Variants in MIER2 observed in about 807,000 individuals in gnomAD.
MIER2 encodes the protein mesoderm induction early response protein 2.
In MIER2, 30 loss-of-function variants were observed where a neutral mutation model predicts 67.6. The ratio of observed to expected loss-of-function variants is 0.44; its 90% CI spans 0.33 to 0.60. The LOEUF (loss-of-function observed/expected upper bound fraction) is 0.60. Among genes scored for constraint, MIER2 ranks in the 20% least tolerant of loss-of-function variants. The pLI is 0.02. For missense variants in MIER2, 702 were observed against 745.1 expected (o/e 0.94, Z 0.67); for synonymous variants, 372 against 312.6 (o/e 1.19, Z -2.00).
chr19:336,843 A>T (rs1972279528), intron 1 of MIER2, among the ~76,000 whole-genome samples: 1 of 152,114 alleles, frequency 6.6e-6, no homozygotes, highest in Admixed American at 6.5e-5. Flanking sequence ...ACAATGTTCA[A>T]TATCTCTCTT....
chr19:329,396 C>G (rs971166462), intron 3 of MIER2, among the ~76,000 whole-genome samples: 1 of 152,140 alleles, frequency 6.6e-6, no homozygotes, highest in Non-Finnish European at 1.5e-5. Flanking sequence ...CATAGTAGCC[C>G]AAGGTGAAGA....
At chr19:318,238 T>A (rs57815234) in intron 7 of MIER2, among the ~76,000 whole-genome samples, 1 of 151,784 alleles carries the variant, frequency 6.6e-6, no homozygotes, top group African/African-American at 2.4e-5. Context: ...ACTTCAAATA[T>A]AGGAATCTAG....
In MIER2 at chr19:325,722, G is replaced by A. The variant is rs970325727; in HGVS notation, c.586-18C>T. The A allele has an allele frequency of 1.2e-6, 2 of 1,614,154 alleles. No homozygotes were observed. The highest frequency in any genetic ancestry group is 1.7e-5 in the Admixed American group (1 of 60,022). Reference sequence around the variant, plus strand: ...ATGATCTCCTGCAAAGCAAGCACCTGGGAATCAGGACACTGAGGAGCATCT... The same window carrying A: ...ATGATCTCCTGCAAAGCAAGCACCTAGGAATCAGGACACTGAGGAGCATCT... On this transcript the variant is annotated intron_variant, in intron 6 of 13. Transcript: ENST00000264819.
chr19:341,745 C>A (rs751968101), intron 1 of MIER2, among the ~76,000 whole-genome samples: 10 of 152,090 alleles, frequency 6.6e-5, no homozygotes, highest in Non-Finnish European at 1.2e-4. Flanking sequence ...AGCAGGCCAA[C>A]GGTATTCCAG....
At chr19:341,145 A>AG (rs1425891752) in intron 1 of MIER2, among the ~76,000 whole-genome samples, 1 of 152,202 alleles carries the variant, frequency 6.6e-6, no homozygotes, top group Non-Finnish European at 1.5e-5. Flanking sequence ...CCCTCTGGGT[A>AG]GGGGTCGAGG....
intron 3 of MIER2, among the ~76,000 whole-genome samples, chr19:331,540 G>A (rs1313443711): frequency 1.3e-5 from 2 of 152,010 alleles, no homozygotes; most frequent in Non-Finnish European, 2.9e-5. Flanking sequence ...GTGGTGGCGT[G>A]CGACTATAGT....
At chr19:331,225 G>A (rs1045060490) in intron 3 of MIER2, among the ~76,000 whole-genome samples, 1 of 151,998 alleles carries the variant, frequency 6.6e-6, no homozygotes, top group Non-Finnish European at 1.5e-5. Context: ...AGGCATGGTG[G>A]TGGGCACCTG....
chr19:308,757 CG>C lies in MIER2; in HGVS notation c.1109+43del. Reference sequence around the variant, plus strand: ...CAGGCGCCCACGTGCCCACCCCCGGCGGGGTGGCCGCCTGTCGTTACTGCTG... The same window carrying C: ...CAGGCGCCCACGTGCCCACCCCCGGCGGGTGGCCGCCTGTCGTTACTGCTG... On this transcript the variant is annotated intron_variant, in intron 11 of 13. Coordinates refer to ENST00000264819, the MANE Select transcript of MIER2 (RefSeq NM_017550.3). This position sits in a 1 kb window ranked among gnomAD's most constrained non-coding sequence, Gnocchi z 9.1. 6.3e-7 allele frequency: 1 copy of C among 1,592,798 alleles called. No individual in the cohort carries two copies.
intron 7 of MIER2, among the ~76,000 whole-genome samples, chr19:317,008 G>A (rs187696685): frequency 3.9e-5 from 6 of 152,254 alleles, no homozygotes; most frequent in African/African-American, 1.2e-4. Flanking sequence ...AATTCATGTT[G>A]TAACCTCTAA....
At chr19:325,532 T>C (rs1179200056) in intron 7 of MIER2, 103 bp downstream of exon 7, 40 of 1,334,588 alleles carry the variant, frequency 3.0e-5, no homozygotes, top group Non-Finnish European at 3.8e-5. Flanking sequence ...CAGTGAGCGA[T>C]GCGGGGCGGG....
intron 7 of MIER2, among the ~76,000 whole-genome samples, chr19:319,379 A>G (rs2145419549): frequency 6.6e-6 from 1 of 152,372 alleles, no homozygotes; most frequent in Middle Eastern, 3.4e-3. Flanking sequence ...CACAAAAAGT[A>G]AAAAACAGAA....
At chr19:327,843 C>A (rs1212625608) in intron 4 of MIER2, 21 bp downstream of exon 4, 44 of 1,610,332 alleles carry the variant, frequency 2.7e-5, no homozygotes, top group Non-Finnish European at 3.7e-5. Context: ...TGAGCCAGTT[C>A]CAGGAAGGGC....
chr19:340,392 A>G (rs1364995312), intron 1 of MIER2: 1 of 152,262 alleles, frequency 6.6e-6, no homozygotes, highest in Non-Finnish European at 1.5e-5. Context: ...AGCACTGCCG[A>G]TAACATCAAC....
At chr19:344,394 C>A in intron 1 of MIER2, 1 of 984,274 alleles carries the variant, frequency 1.0e-6, no homozygotes, top group African/African-American at 1.7e-5. Context: ...GGCCTGCGCG[C>A]CGCGGGGCCC....
At chr19:327,333 A>G (rs560303979) in intron 4 of MIER2, 77 bp from the exon 5 acceptor site, 102 of 1,509,608 alleles carry the variant, frequency 6.8e-5, no homozygotes, top group Middle Eastern at 5.6e-4. Context: ...TAACAACAGT[A>G]AAGACACTGG....
At chr19:334,149 G>T in intron 3 of MIER2, 1 of 457,866 alleles carries the variant, frequency 2.2e-6, no homozygotes. Context: ...ATTTTTAAGA[G>T]TACAAAGCAG....
intron 7 of MIER2, among the ~76,000 whole-genome samples, chr19:324,042 G>A (rs950353354): frequency 1.1e-4 from 15 of 136,262 alleles, no homozygotes; most frequent in Non-Finnish European, 1.6e-4. Context: ...GGACACAGGC[G>A]TCATCACAAT....
chr19:306,614 A>G lies in MIER2; in HGVS notation c.*76T>C, dbSNP rs1331074870. Reference sequence around the variant, plus strand: ...AGGCCCGGGGGGTGGGGAAGGGGTCAGGAAGACTGACAGAGGCGGGCCCAG... The same window carrying G: ...AGGCCCGGGGGGTGGGGAAGGGGTCGGGAAGACTGACAGAGGCGGGCCCAG... On this transcript the variant is annotated 3_prime_UTR_variant, in exon 14 of 14. Transcript: ENST00000264819. 1.4e-5 allele frequency: 22 copies of G among 1,540,772 alleles called. No homozygotes were observed. In the Admixed American group the frequency reaches 3.9e-4, roughly 27 times the overall value.
At chr19:320,953 G>A (rs192618616) in intron 7 of MIER2, among the ~76,000 whole-genome samples, 8 of 152,272 alleles carry the variant, frequency 5.3e-5, no homozygotes, top group South Asian at 4.1e-4. Flanking sequence ...ACAGAACGTC[G>A]GCACTACATT....
Sources: allele counts gnomAD v4.1 joint callset (sites outside exome capture counted in the v4.1 genomes callset), GRCh38; gene constraint gnomAD v4.1.1; non-coding constraint Gnocchi (gnomAD v3.1); transcripts MANE v1.5; gene names NCBI Gene and HGNC (gene_info 2026-07-23, HGNC 2026-07-21).